STX17: variants seen among roughly 807,000 people sequenced by gnomAD.
The protein encoded by STX17 is syntaxin-17.
Under a neutral mutation model 35.9 loss-of-function variants are expected in STX17, and 29 were observed. The observed-to-expected ratio is 0.81, with a 90% CI of 0.60 to 1.10. The LOEUF (loss-of-function observed/expected upper bound fraction) is 1.10, where lower values mean the gene tolerates loss of function less well. STX17 is among the 50% of genes least tolerant of loss of function. The probability of loss-of-function intolerance (pLI) is 0.00; values close to 1 mark genes in which losing one functional copy is unlikely to be tolerated. For missense variants in STX17, 312 were observed against 352.3 expected (o/e 0.89, Z 0.92); for synonymous variants, 92 against 118.3 (o/e 0.78, Z 1.44).
rs994292405 is a variant in STX17 at position 99,953,853 on chromosome 9, A to G, written c.415+2568A>G. 3.3e-5 allele frequency: 5 copies of G among 152,130 alleles called. No homozygotes were observed. The East Asian group carries it at 9.6e-4, about 29-fold the overall frequency. 9.4% of individuals were successfully genotyped at this position (152,130 alleles called of 1,614,324 possible). A position where few individuals can be genotyped will look rare whatever the true frequency, so the allele number is the denominator to read the frequency against. On this transcript the variant is annotated intron_variant, in intron 4 of 7. Coordinates refer to ENST00000259400, the MANE Select transcript of STX17 (RefSeq NM_017919.3). ...TACTTGCTTTAATTTGCATTTTATT[A>G]TTGCATTATTTGTTTTACTGCCAGT...
In STX17 at chr9:99,954,645, GCA is replaced by G. The variant is rs1185129865; in HGVS notation, c.415+3361_415+3362del. Reference sequence around the variant, plus strand: ...TTTGCTTTAGATACTTATTATAGTAGCAACAGCCTATATGGAAAATCTGTTTT... The same window carrying G: ...TTTGCTTTAGATACTTATTATAGTAGACAGCCTATATGGAAAATCTGTTTT... On this transcript the variant is annotated intron_variant, in intron 4 of 7. Transcript: ENST00000259400. 4.6e-5 allele frequency among the ~76,000 whole-genome samples: 7 copies of G among 151,866 alleles called. No individual in the cohort carries two copies. The East Asian group carries it at 1.3e-3, about 29-fold the overall frequency.
At chr9:99,920,939 T>C (rs528283869) in intron 2 of STX17, among the ~76,000 whole-genome samples, 1 of 152,298 alleles carries the variant, frequency 6.6e-6, no homozygotes, top group South Asian at 2.1e-4. Context: ...CCACTTGAAA[T>C]AGGAATCTCT....
In STX17 at chr9:99,960,111, A is replaced by G; in HGVS notation, c.538A>G (p.Ile180Val). The G allele has an allele frequency of 6.2e-7, 1 of 1,614,050 alleles. No homozygotes were observed. The highest frequency in any genetic ancestry group is 2.2e-5 in the East Asian group (1 of 44,842). Residue 180 changes from isoleucine (I) to valine (V), a missense_variant, in exon 6 of 8, where the codon ATT becomes GTT. Coordinates refer to ENST00000259400, the MANE Select transcript of STX17 (RefSeq NM_017919.3). ...CTCTCCCTTTCTTTTAAAGGACTTAATTGAACTTAGCCAACTGGTCACTGA... is the reference window on the plus strand; with the variant it reads ...CTCTCCCTTTCTTTTAAAGGACTTAGTTGAACTTAGCCAACTGGTCACTGA... The part of the protein sequence containing the change: ...ESWETLEADL[I>V]ELSQLVTDFS...
At chr9:99,932,446 C>G (rs757274186) in intron 3 of STX17, among the ~76,000 whole-genome samples, 1 of 152,102 alleles carries the variant, frequency 6.6e-6, no homozygotes, top group Non-Finnish European at 1.5e-5. Flanking sequence ...CAAGCAGAGA[C>G]TATGTCTCCA....
intron 1 of STX17, among the ~76,000 whole-genome samples, chr9:99,911,495 A>AT (rs1407301561): frequency 5.9e-5 from 9 of 151,822 alleles, no homozygotes; most frequent in African/African-American, 1.2e-4. Context: ...TGATATACTG[A>AT]TTTTTTTTCC....
intron 1 of STX17, among the ~76,000 whole-genome samples, chr9:99,913,502 C>T (rs1041540963): frequency 4.6e-5 from 7 of 151,860 alleles, no homozygotes; most frequent in African/African-American, 1.7e-4. Context: ...TCAGGCTGGC[C>T]TCTTACTGTT....
At chr9:99,923,063 G>T (rs909885897) in intron 2 of STX17, among the ~76,000 whole-genome samples, 4 of 151,424 alleles carry the variant, frequency 2.6e-5, no homozygotes, top group Non-Finnish European at 2.9e-5. Flanking sequence ...CCTTTTCTAT[G>T]TCCTCCTTTT....
At chr9:99,912,629 C>T (rs1015636891) in intron 1 of STX17, among the ~76,000 whole-genome samples, 1 of 152,058 alleles carries the variant, frequency 6.6e-6, no homozygotes, top group African/African-American at 2.4e-5. Flanking sequence ...TATGTGTAAG[C>T]AGGGTAATTA....
chr9:99,939,745 A>T (rs903547966), intron 3 of STX17, among the ~76,000 whole-genome samples: 3 of 152,270 alleles, frequency 2.0e-5, no homozygotes, highest in East Asian at 1.9e-4. Flanking sequence ...CTAGATCCTT[A>T]CTATGTTTCA....
At chr9:99,929,740 T>C (rs1274738211) in intron 3 of STX17, 2 of 151,754 alleles carry the variant, frequency 1.3e-5, no homozygotes, top group African/African-American at 2.4e-5. Context: ...TATGGAGATA[T>C]TGTTTTCTGC....
chr9:99,966,518 T>A (rs1232708161), intron 6 of STX17, among the ~76,000 whole-genome samples: 1 of 152,184 alleles, frequency 6.6e-6, no homozygotes, highest in Non-Finnish European at 1.5e-5. Context: ...ATAAGGGCAA[T>A]CAAACACTTC....
chr9:99,944,058 CTAA>C (rs3983847), intron 3 of STX17, among the ~76,000 whole-genome samples: 60,905 of 151,456 alleles, frequency 0.4, 12,988 homozygotes, highest in East Asian at 0.7. Context: ...TTATAGTCTT[CTAA>C]TAATTTATTT....
chr9:99,910,256 AAAAG>A (rs1271456121), intron 1 of STX17, among the ~76,000 whole-genome samples: 1 of 152,114 alleles, frequency 6.6e-6, no homozygotes, highest in Non-Finnish European at 1.5e-5. Flanking sequence ...AGAAAAAAAA[AAAAG>A]AAATGCAAAT....
At chr9:99,911,275 G>A (rs368257876) in intron 1 of STX17, among the ~76,000 whole-genome samples, 7 of 151,926 alleles carry the variant, frequency 4.6e-5, no homozygotes, top group African/African-American at 1.5e-4. Context: ...TGACCTGATC[G>A]GCCCGCCTCC....
intron 2 of STX17, among the ~76,000 whole-genome samples, chr9:99,923,217 A>G (rs1828923010): frequency 6.6e-6 from 1 of 152,070 alleles, no homozygotes; most frequent in Admixed American, 6.6e-5. Flanking sequence ...TGTACAAATG[A>G]TTTCACCAGG....
intron 1 of STX17, among the ~76,000 whole-genome samples, chr9:99,909,429 C>T (rs1828616833): frequency 6.6e-6 from 1 of 152,068 alleles, no homozygotes; most frequent in South Asian, 2.1e-4. Flanking sequence ...TATTGAACAA[C>T]AGGTGTGTTC....
intron 2 of STX17, among the ~76,000 whole-genome samples, chr9:99,919,334 G>A (rs867408197): frequency 2.6e-5 from 4 of 151,950 alleles, no homozygotes; most frequent in Non-Finnish European, 2.9e-5. Context: ...ATCTCAAAGC[G>A]CTGGCCTCAA....
At chr9:99,957,656 GTTTTT>G (rs139402328) in intron 4 of STX17, among the ~76,000 whole-genome samples, 2 of 133,844 alleles carry the variant, frequency 1.5e-5, no homozygotes, top group Non-Finnish European at 1.6e-5. Flanking sequence ...TATTGTTTTT[GTTTTT>G]TTTTTTTTTT....
intron 4 of STX17, among the ~76,000 whole-genome samples, chr9:99,952,222 C>G (rs1172804799): frequency 6.6e-6 from 1 of 152,008 alleles, no homozygotes; most frequent in Non-Finnish European, 1.5e-5. Context: ...GGGCGAAGAG[C>G]ATGAACAGAC....
Sources: gnomAD v4.1 joint callset for allele counts (sites outside exome capture counted in the v4.1 genomes callset) on GRCh38, gnomAD v4.1.1 for gene constraint, MANE v1.5 for transcripts, NCBI Gene and HGNC (gene_info 2026-07-23, HGNC 2026-07-21) for gene names.